Variants in FSTL4 observed in about 807,000 individuals in gnomAD.
FSTL4 encodes follistatin like 4, also known as follistatin-related protein 4.
Under a neutral mutation model 78.2 loss-of-function variants are expected in FSTL4, and 28 were observed. The ratio of observed to expected loss-of-function variants is 0.36; its 90% CI spans 0.27 to 0.49. FSTL4 has a LOEUF of 0.49. Ranked by LOEUF, FSTL4 falls within the 20% of genes least tolerant of loss-of-function variation. The probability of loss-of-function intolerance (pLI) is 0.98; values close to 1 mark genes in which losing one functional copy is unlikely to be tolerated. For missense variants in FSTL4, 922 were observed against 1,084.9 expected (o/e 0.85, Z 2.11); for synonymous variants, 422 against 440.5 (o/e 0.96, Z 0.53).
At chr5:133,832,266 T>C in the FSTL4 span, among the ~76,000 whole-genome samples, 1 of 152,258 alleles carries the variant, frequency 6.6e-6, no homozygotes, top group Non-Finnish European at 1.5e-5. Flanking sequence ...TTTTTCTTTT[T>C]CTCTTTCTAG....
Position 133,225,027 on chromosome 5 carries a change from G to A in FSTL4, c.1312+123C>T. The A allele has an allele frequency of 3.5e-6, 4 of 1,140,670 alleles. No homozygotes were observed. The highest frequency in any genetic ancestry group is 3.9e-6 in the Non-Finnish European group (3 of 777,050). 70.7% of individuals were successfully genotyped at this position (1,140,670 alleles called of 1,614,324 possible). A position where few individuals can be genotyped will look rare whatever the true frequency, so the allele number is the denominator to read the frequency against. On this transcript the variant is annotated intron_variant, in intron 10 of 15. Transcript: ENST00000265342. This position sits in a 1 kb window ranked among gnomAD's most constrained non-coding sequence, Gnocchi z 4.6. ...CAGCTTTATGCAAAGAGGGATATGA[G>A]GCTTACCCCTGTCTTCACGGGCTCA...
chr5:133,466,398 C>T (rs959624511), intron 3 of FSTL4, among the ~76,000 whole-genome samples: 2 of 152,066 alleles, frequency 1.3e-5, no homozygotes, highest in Non-Finnish European at 2.9e-5. Context: ...AAAAATTAGC[C>T]GGGTGCGGTG....
At chr5:133,624,232 T>C in the FSTL4 span, among the ~76,000 whole-genome samples, 1,235 of 152,098 alleles carry the variant, frequency 8.1e-3, 15 homozygotes, top group African/African-American at 0.028. Flanking sequence ...ATAAATGAAT[T>C]GTGGTATATG....
chr5:133,206,637 T>C (rs372724710), intron 14 of FSTL4, among the ~76,000 whole-genome samples: 2 of 152,286 alleles, frequency 1.3e-5, no homozygotes, highest in Non-Finnish European at 1.5e-5. Flanking sequence ...GCTGGGATTA[T>C]AGGCATGAAC....
chr5:133,548,977 A>G (rs565727935), intron 3 of FSTL4, among the ~76,000 whole-genome samples: 2 of 152,312 alleles, frequency 1.3e-5, no homozygotes, highest in South Asian at 2.1e-4. Context: ...GAAATAAACT[A>G]TAAGTCTCTC....
At chr5:133,480,840 A>G (rs759081600) in intron 3 of FSTL4, among the ~76,000 whole-genome samples, 2 of 152,070 alleles carry the variant, frequency 1.3e-5, no homozygotes, top group Non-Finnish European at 2.9e-5. Context: ...TGGGAAGTGG[A>G]AACTTGATTT....
chr5:133,599,211 G>A (rs1050339986), intron 2 of FSTL4, among the ~76,000 whole-genome samples: 2 of 152,190 alleles, frequency 1.3e-5, no homozygotes, highest in African/African-American at 2.4e-5. Context: ...ACTACTGAAT[G>A]CCCAGCCAAG....
chr5:133,665,606 G>T, the FSTL4 span, among the ~76,000 whole-genome samples: 1 of 152,182 alleles, frequency 6.6e-6, no homozygotes, highest in African/African-American at 2.4e-5. Context: ...ATCAAGGTTT[G>T]TTCAGGTGTG....
At chr5:133,213,675 C>T (rs1479163133) in intron 13 of FSTL4, among the ~76,000 whole-genome samples, 2 of 151,724 alleles carry the variant, frequency 1.3e-5, no homozygotes, top group African/African-American at 4.8e-5. Flanking sequence ...TTTGGCAAAT[C>T]CACAAGAAAG....
In FSTL4 at chr5:133,398,753, A is replaced by G. The variant is rs183738649; in HGVS notation, c.409+1985T>C. Among the ~76,000 whole-genome samples the G allele has an allele frequency of 2.4e-3, 366 of 152,288 alleles. 3 individuals are homozygous for G. Among genetic ancestry groups the G allele is most frequent in the Non-Finnish European group, 3.6e-3 (243 of 68,024 alleles). On this transcript the variant is annotated intron_variant, in intron 4 of 15. Transcript: ENST00000265342. ...GGAAAAGGCCCAGAGAAGCAGAGTG[A>G]TGCAACCAACACCACACAGCTGGGA...
chr5:133,811,140 G>A, the FSTL4 span, among the ~76,000 whole-genome samples: 3 of 152,002 alleles, frequency 2.0e-5, no homozygotes, highest in Non-Finnish European at 4.4e-5. Context: ...TTTCCCTTAT[G>A]CACCCAAACA....
In FSTL4 at chr5:133,233,582, C is replaced by T. The variant is rs371753992; in HGVS notation, c.895-45G>A. 2.8e-4 allele frequency: 450 copies of T among 1,607,490 alleles called. 2 individuals carry two copies. Among genetic ancestry groups the T allele is most frequent in the South Asian group, 1.1e-3 (96 of 90,582 alleles). ...CGATGAGACTGGCCTCTTTATTGAA[C>T]GGGCTGGAAACCATAGCTGTCTCCT... On this transcript the variant is annotated intron_variant, in intron 7 of 15. Coordinates refer to ENST00000265342, the MANE Select transcript of FSTL4 (RefSeq NM_015082.2).
At chr5:133,404,714 C>A (rs1247363793) in intron 3 of FSTL4, among the ~76,000 whole-genome samples, 2 of 152,082 alleles carry the variant, frequency 1.3e-5, no homozygotes. Context: ...AAGGCAAGCC[C>A]GTCTGACCCC....
the FSTL4 span, among the ~76,000 whole-genome samples, chr5:133,809,365 C>CAAA: frequency 2.1e-4 from 15 of 72,322 alleles, no homozygotes; most frequent in African/African-American, 5.2e-4. Context: ...GACACTGTCT[C>CAAA]AAAAAAAAAA....
intron 3 of FSTL4, among the ~76,000 whole-genome samples, chr5:133,444,482 A>ACT (rs1371800978): frequency 6.6e-6 from 1 of 151,928 alleles, no homozygotes; most frequent in African/African-American, 2.4e-5. Context: ...GACTCAGTTA[A>ACT]CTCTGTTCCA....
chr5:133,357,253 G>A (rs1754961664), intron 4 of FSTL4, among the ~76,000 whole-genome samples: 1 of 152,162 alleles, frequency 6.6e-6, no homozygotes, highest in Non-Finnish European at 1.5e-5. Context: ...CCTCCTGTTT[G>A]TGCTGTCCCC....
chr5:133,571,881 A>T (rs577838334), intron 2 of FSTL4, among the ~76,000 whole-genome samples: 5 of 152,330 alleles, frequency 3.3e-5, no homozygotes, highest in Admixed American at 1.3e-4. Flanking sequence ...TGAAAAATAC[A>T]GAAAAAGTAT....
chr5:133,217,633 G>A (rs182216517), intron 12 of FSTL4, among the ~76,000 whole-genome samples: 6 of 152,152 alleles, frequency 3.9e-5, no homozygotes, highest in Admixed American at 1.3e-4. Flanking sequence ...CTATTCTTAC[G>A]CTATCTTCTC....
intron 6 of FSTL4, among the ~76,000 whole-genome samples, chr5:133,259,518 CTTTTTTTTTTTTTT>C (rs3976227): frequency 1.6e-5 from 2 of 126,402 alleles, no homozygotes. Flanking sequence ...ATTTTTTTTT[CTTTTTTTTTTTTTT>C]TTTTGAGGAG....
Sources: gnomAD v4.1 joint callset for allele counts (sites outside exome capture counted in the v4.1 genomes callset) on GRCh38, gnomAD v4.1.1 for gene constraint, Gnocchi (gnomAD v3.1) non-coding constraint, MANE v1.5 for transcripts, NCBI Gene and HGNC (gene_info 2026-07-23, HGNC 2026-07-21) for gene names.